Variants in DACH2 observed in about 807,000 individuals in gnomAD.
DACH2 encodes dachshund homolog 2.
In DACH2, 17 loss-of-function variants were observed where a neutral mutation model predicts 35.8. That is an observed-to-expected ratio of 0.48 (90% CI 0.33 to 0.71). The LOEUF (loss-of-function observed/expected upper bound fraction) is 0.71, where lower values mean the gene tolerates loss of function less well. Ranked by LOEUF, DACH2 falls within the 30% of genes least tolerant of loss-of-function variation. DACH2 has a pLI of 0.02. For missense variants in DACH2, 469 were observed against 472.7 expected (o/e 0.99, Z 0.07); for synonymous variants, 195 against 177.3 (o/e 1.10, Z -0.79).
At chrX:86,548,074 A>G (rs979564664) in intron 3 of DACH2, among the ~76,000 whole-genome samples, 5 of 112,619 alleles carry the variant, frequency 4.4e-5, no homozygotes, top group East Asian at 2.8e-4. Context: ...GCCACTTCCT[A>G]TAAGTCAAGC....
chrX:86,470,461 T>C (rs2037744680), intron 2 of DACH2, among the ~76,000 whole-genome samples: 1 of 111,839 alleles, frequency 8.9e-6, no homozygotes, highest in Admixed American at 9.6e-5. Context: ...ATAAATCATA[T>C]GTAGCATATT....
chrX:86,423,622 C>A (rs900845240), intron 2 of DACH2, among the ~76,000 whole-genome samples: 1 of 109,052 alleles, frequency 9.2e-6, no homozygotes, highest in African/African-American at 3.3e-5. Context: ...GTTGTGTCTT[C>A]ATTGATTGTT....
chrX:86,733,510 A>AT (rs1311430354), intron 6 of DACH2, among the ~76,000 whole-genome samples: 2 of 111,706 alleles, frequency 1.8e-5, no homozygotes, highest in Non-Finnish European at 3.8e-5. Context: ...CAAGACTATT[A>AT]ATCCTTCAAT....
chrX:86,263,592 T>G (rs1209646901), intron 1 of DACH2, among the ~76,000 whole-genome samples: 1 of 112,152 alleles, frequency 8.9e-6, no homozygotes, highest in African/African-American at 3.2e-5. Flanking sequence ...AAATAAAATG[T>G]GTAAAAGAGA....
intron 3 of DACH2, among the ~76,000 whole-genome samples, chrX:86,544,045 C>G (rs2038924778): frequency 1.8e-5 from 2 of 111,249 alleles, no homozygotes; most frequent in South Asian, 7.6e-4. Flanking sequence ...TGAGGAAATA[C>G]TCTCAGAGCT....
chrX:86,412,134 G>A (rs2036624681), intron 2 of DACH2, among the ~76,000 whole-genome samples: 1 of 111,425 alleles, frequency 9.0e-6, no homozygotes, highest in Non-Finnish European at 1.9e-5. Context: ...AAGGTAGGAG[G>A]AGCCCAAAGT....
intron 4 of DACH2, among the ~76,000 whole-genome samples, chrX:86,692,218 C>CT (rs939598263): frequency 9.9e-5 from 11 of 111,031 alleles, no homozygotes; most frequent in Non-Finnish European, 2.1e-4. Flanking sequence ...ACTACCTTTT[C>CT]TTTTTTTTAT....
At chrX:86,305,688 C>T (rs754905260) in intron 1 of DACH2, among the ~76,000 whole-genome samples, 47 of 108,894 alleles carry the variant, frequency 4.3e-4, no homozygotes, top group African/African-American at 1.5e-3. Context: ...GACAAGGGGT[C>T]GATATCAGGA....
intron 1 of DACH2, among the ~76,000 whole-genome samples, chrX:86,159,128 A>T (rs1038065219): frequency 2.8e-5 from 3 of 107,910 alleles, no homozygotes. Flanking sequence ...GTGGATTTTT[A>T]AAAAAATTAT....
intron 1 of DACH2, among the ~76,000 whole-genome samples, chrX:86,367,566 G>T (rs2035824016): frequency 9.0e-6 from 1 of 111,345 alleles, no homozygotes; most frequent in Non-Finnish European, 1.9e-5. Flanking sequence ...GGGTTTTTGA[G>T]CTGTGATGGG....
chrX:86,692,190 A>C (rs981004222), intron 4 of DACH2, among the ~76,000 whole-genome samples: 3 of 111,305 alleles, frequency 2.7e-5, no homozygotes, highest in African/African-American at 9.8e-5. Flanking sequence ...CATTTGGTGG[A>C]GGTGGGAGGA....
chrX:86,642,350 A>G (rs2040357187), intron 3 of DACH2, among the ~76,000 whole-genome samples: 1 of 111,957 alleles, frequency 8.9e-6, no homozygotes, highest in Non-Finnish European at 1.9e-5. Context: ...AGATAAAAAA[A>G]AGACAAGGAA....
chrX:86,605,381 G>T (rs931651764), intron 3 of DACH2, among the ~76,000 whole-genome samples: 19 of 110,385 alleles, frequency 1.7e-4, no homozygotes, highest in African/African-American at 6.2e-4. Context: ...TTTCTGAAAT[G>T]CATATATTTA....
intron 1 of DACH2, among the ~76,000 whole-genome samples, chrX:86,189,932 G>A (rs755230495): frequency 1.8e-5 from 2 of 110,383 alleles, no homozygotes; most frequent in Admixed American, 9.7e-5. Context: ...GGGAGGCTGA[G>A]GTGGGCAGAT....
intron 6 of DACH2, 66 bp from the exon 7 acceptor site, chrX:86,739,681 A>G: frequency 8.8e-7 from 1 of 1,139,083 alleles, no homozygotes; most frequent in Non-Finnish European, 1.2e-6. Context: ...TCAAATGTAG[A>G]GACTCAACCA....
chrX:86,613,778 T>C (rs2039973420), intron 3 of DACH2, among the ~76,000 whole-genome samples: 1 of 111,730 alleles, frequency 9.0e-6, no homozygotes, highest in Non-Finnish European at 1.9e-5. Flanking sequence ...AGCATACATA[T>C]CAATAATTCA....
rs375717534 is a variant in DACH2 at position 86,814,765 on chromosome X, C to T, written c.1615C>T (p.Arg539Cys). ...LQEALEFESK[R>C]REQVEQALKQ... The stretch of plus-strand genomic sequence containing the variant: ...GGAAGCCTTGGAATTTGAATCAAAG[C>T]GCCGGGAGCAAGTGGAGCAGGCACT... Residue 539 changes from arginine (R) to cysteine (C), a missense_variant, in exon 10 of 12, where the codon CGC (arginine) becomes TGC (cysteine). Around this residue, in one of 3 missense-constraint regions of DACH2, gnomAD observed 363 missense variants for 334.4 expected, o/e 1.09. Transcript: ENST00000373125. 25 of 1,209,257 alleles carry T rather than the reference C, an allele frequency of 2.1e-5. No individual in the cohort carries two copies. The highest frequency in any genetic ancestry group is 3.5e-5 in the South Asian group (2 of 56,744).
intron 2 of DACH2, among the ~76,000 whole-genome samples, chrX:86,478,012 C>A (rs2037875366): frequency 9.0e-6 from 1 of 111,700 alleles, no homozygotes; most frequent in Non-Finnish European, 1.9e-5. Flanking sequence ...CTCTATCCCT[C>A]TGATTTTTAA....
chrX:86,657,777 A>G (rs1386354913), intron 4 of DACH2, among the ~76,000 whole-genome samples: 1 of 111,519 alleles, frequency 9.0e-6, no homozygotes, highest in African/African-American at 3.2e-5. Flanking sequence ...TAATTTCATC[A>G]TTGTTATTAG....
Sources: gnomAD v4.1 joint callset for allele counts (sites outside exome capture counted in the v4.1 genomes callset) on GRCh38, gnomAD v4.1.1 for gene constraint, gnomAD v4.1.1 regional missense constraint, MANE v1.5 for transcripts, NCBI Gene and HGNC (gene_info 2026-07-23, HGNC 2026-07-21) for gene names.